PCDHGA3: variants seen among roughly 807,000 people sequenced by gnomAD.
PCDHGA3 encodes the protein protocadherin gamma subfamily A, 3, also known as protocadherin gamma-A3.
A neutral mutation model predicts 58.5 loss-of-function variants in PCDHGA3; 40 were observed. That is an observed-to-expected ratio of 0.68 (90% CI 0.53 to 0.89). PCDHGA3 has a LOEUF of 0.89. PCDHGA3 is among the 40% of genes least tolerant of loss of function. PCDHGA3 has a pLI of 0.00. For missense variants in PCDHGA3, 1,223 were observed against 1,195.9 expected, an observed-to-expected ratio of 1.02 and a Z score of -0.33; for synonymous variants, 530 against 525.7, an observed-to-expected ratio of 1.01 and a Z score of -0.11.
At position 141,431,747 on chromosome 5, in the gene PCDHGA3, C is replaced by T. The variant is rs371020840; in HGVS notation, c.2425-63060C>T. The T allele has an allele frequency of 5.0e-6, 8 of 1,614,064 alleles. No individual in the cohort carries two copies. In the Admixed American group the frequency reaches 5.0e-5, roughly 10 times the overall value. On this transcript the variant is annotated intron_variant, in intron 1 of 3. Transcript: ENST00000253812. This position sits in a 1 kb window ranked among gnomAD's most constrained non-coding sequence, Gnocchi z 4.8. ...AATGGATAATGCAGGATATTCTGCG[C>T]GAGCCAAAGTCCTGATCACTGTTCT...
chr5:141,395,547 TGTGTGTGTGTGTGTGTGTGTGTG>T, intron 1 of PCDHGA3: 1 of 173,894 alleles, frequency 5.8e-6, no homozygotes, highest in Non-Finnish European at 1.2e-5. Context: ...ATTGTTTGTG[TGTGTGTGTGTGTGTGTGTGTGTG>T]TGTGTGTGTG....
chr5:141,437,484 T>C (rs547317864), intron 1 of PCDHGA3, among the ~76,000 whole-genome samples: 2 of 152,332 alleles, frequency 1.3e-5, no homozygotes, highest in South Asian at 4.1e-4. Flanking sequence ...ATATTTAATC[T>C]CGTAGATCAC....
intron 1 of PCDHGA3, chr5:141,374,502 T>C (rs1588742531): frequency 6.2e-7 from 1 of 1,611,402 alleles, no homozygotes; most frequent in East Asian, 2.2e-5. Flanking sequence ...GAATTGGAAG[T>C]GAAAATTCTC....
chr5:141,426,275 G>A (rs531044481), intron 1 of PCDHGA3: 2 of 164,168 alleles, frequency 1.2e-5, no homozygotes, highest in East Asian at 1.6e-4. Context: ...CTGCAGCAAC[G>A]CATGGGAAGG....
At chr5:141,398,759 T>A (rs1313274991) in intron 1 of PCDHGA3, 2 of 1,613,904 alleles carry the variant, frequency 1.2e-6, no homozygotes, top group Non-Finnish European at 1.7e-6. Context: ...CATCGTTTAG[T>A]CCTGACTGCC....
At position 141,361,169 on chromosome 5, in the gene PCDHGA3, C is replaced by T. The variant is rs1761915168; in HGVS notation, c.2424+14712C>T. 1.9e-6 allele frequency: 3 copies of T among 1,613,908 alleles called. No homozygotes were observed. The East Asian group carries it at 6.7e-5, about 36-fold the overall frequency. On this transcript the variant is annotated intron_variant, in intron 1 of 3. Coordinates refer to ENST00000253812, the MANE Select transcript of PCDHGA3 (RefSeq NM_018916.4). ...ATTCTTGATGACAACGATTGTGCAC[C>T]TGAAGTTATTGTGACTTCAGTATCT...
chr5:141,440,075 T>C (rs2098148518), intron 1 of PCDHGA3: 1 of 152,428 alleles, frequency 6.6e-6, no homozygotes, highest in Non-Finnish European at 1.5e-5. Flanking sequence ...TGAGGAATAA[T>C]ACTTCATTCT....
At chr5:141,480,828 TAAGATC>T (rs1054950452) in intron 1 of PCDHGA3, among the ~76,000 whole-genome samples, 22 of 152,260 alleles carry the variant, frequency 1.4e-4, no homozygotes, top group African/African-American at 5.1e-4. Context: ...GGGTGGATCA[TAAGATC>T]AGGAGTTTGA....
At chr5:141,459,686 C>T (rs79275885) in intron 1 of PCDHGA3, among the ~76,000 whole-genome samples, 5,534 of 152,296 alleles carry the variant, frequency 0.036, 130 homozygotes, top group South Asian at 0.077. Flanking sequence ...ATGCATAAAG[C>T]GTTCCGCTTG....
intron 1 of PCDHGA3, chr5:141,382,716 C>G (rs11575956): frequency 0.036 from 17,699 of 487,890 alleles, 411 homozygotes; most frequent in Middle Eastern, 0.065. Flanking sequence ...CAGAAACCAC[C>G]GAGTTTTACA....
chr5:141,389,918 C>A (rs1341057088), intron 1 of PCDHGA3: 5 of 1,613,966 alleles, frequency 3.1e-6, no homozygotes, highest in Non-Finnish European at 4.2e-6. Flanking sequence ...ACCGCCCCGA[C>A]CCCTCTGACC....
At chr5:141,391,868 A>T (rs1269292273) in intron 1 of PCDHGA3, 1 of 152,190 alleles carries the variant, frequency 6.6e-6, no homozygotes, top group Non-Finnish European at 1.5e-5. Context: ...AAATTTAATC[A>T]TCTCTTTGGT....
intron 1 of PCDHGA3, among the ~76,000 whole-genome samples, chr5:141,448,842 G>A (rs943887884): frequency 6.6e-6 from 1 of 152,182 alleles, no homozygotes; most frequent in Non-Finnish European, 1.5e-5. Context: ...CTACTCTGGA[G>A]GCTGAGGCAG....
chr5:141,379,938 C>G (rs1220422667), intron 1 of PCDHGA3, among the ~76,000 whole-genome samples: 1 of 86,936 alleles, frequency 1.2e-5, no homozygotes, highest in African/African-American at 4.3e-5. Context: ...CTTGCTCTGT[C>G]TCCCAGGCTG....
intron 1 of PCDHGA3, chr5:141,410,134 C>G (rs573769764): frequency 6.2e-7 from 1 of 1,612,766 alleles, no homozygotes; most frequent in Admixed American, 1.7e-5. Context: ...GCCTGCTGGT[C>G]GCTGTGCGTG....
intron 1 of PCDHGA3, chr5:141,364,707 T>C: frequency 5.6e-6 from 9 of 1,613,986 alleles, no homozygotes; most frequent in Non-Finnish European, 7.6e-6. Flanking sequence ...ATAATCGATA[T>C]TAATGATAAC....
At chr5:141,357,339 A>C (rs771047184) in intron 1 of PCDHGA3, 2 of 1,613,868 alleles carry the variant, frequency 1.2e-6, no homozygotes, top group Non-Finnish European at 1.7e-6. Context: ...TGCTGCTAGC[A>C]CTCAAGCTGA....
chr5:141,345,718 T>C lies in PCDHGA3; in HGVS notation c.1685T>C (p.Ile562Thr). The C allele has an allele frequency of 6.2e-7, 1 of 1,614,158 alleles. No individual in the cohort carries two copies. The highest frequency in any genetic ancestry group is 8.5e-7 in the Non-Finnish European group (1 of 1,180,012). The change falls in exon 1 of 4, where the codon ATC (isoleucine) becomes ACC (threonine). Residue 562 changes from isoleucine (I) to threonine (T), a missense_variant. This residue lies in a region of PCDHGA3 where 791 missense variants were observed against 708.5 expected (regional missense o/e 1.12). Coordinates refer to ENST00000253812, the MANE Select transcript of PCDHGA3 (RefSeq NM_018916.4). ...GACCAGAACGACAACGCGCCCGAGATCCTGTACCCCGCCCTCCCCACAGAC... is the reference window on the plus strand; with the variant it reads ...GACCAGAACGACAACGCGCCCGAGACCCTGTACCCCGCCCTCCCCACAGAC... ...VLDQNDNAPE[I>T]LYPALPTDGS...
At chr5:141,468,324 C>T (rs1301315098) in intron 1 of PCDHGA3, 1 of 127,722 alleles carries the variant, frequency 7.8e-6, no homozygotes, top group Non-Finnish European at 1.6e-5. Context: ...ACGGTAAACT[C>T]CATCTCAAAA....
Sources: allele counts gnomAD v4.1 joint callset (sites outside exome capture counted in the v4.1 genomes callset), GRCh38; gene constraint gnomAD v4.1.1; regional missense constraint gnomAD v4.1.1; non-coding constraint Gnocchi (gnomAD v3.1); transcripts MANE v1.5; gene names NCBI Gene and HGNC (gene_info 2026-07-23, HGNC 2026-07-21).